Variants in ARB2A observed in about 807,000 individuals in gnomAD.
ARB2A encodes cotranscriptional regulator ARB2A.
chr5:93,741,546 G>A, the ARB2A span: 6 of 1,581,902 alleles, frequency 3.8e-6, no homozygotes, highest in Admixed American at 7.2e-5. Context: ...AGTGGTTTGA[G>A]GGCCTGTGTC....
At chr5:93,894,175 C>A in the ARB2A span, among the ~76,000 whole-genome samples, 1 of 152,162 alleles carries the variant, frequency 6.6e-6, no homozygotes, top group Non-Finnish European at 1.5e-5. Flanking sequence ...ACATATCTTA[C>A]GTTGTCATGC....
At chr5:93,622,525 G>A in the ARB2A span, among the ~76,000 whole-genome samples, 5 of 152,188 alleles carry the variant, frequency 3.3e-5, no homozygotes, top group Non-Finnish European at 7.3e-5. Context: ...GTCGGCCAGA[G>A]AGCAGAAAGC....
chr5:93,939,849 AAT>A, the ARB2A span, among the ~76,000 whole-genome samples: 3 of 152,106 alleles, frequency 2.0e-5, no homozygotes, highest in African/African-American at 7.2e-5. Flanking sequence ...AACAAAATGT[AAT>A]AGTCTGCTAT....
the ARB2A span, among the ~76,000 whole-genome samples, chr5:93,691,923 C>G: frequency 6.6e-6 from 1 of 152,148 alleles, no homozygotes; most frequent in African/African-American, 2.4e-5. Flanking sequence ...CCGAGCCAAA[C>G]TAAGCTTCAT....
the ARB2A span, among the ~76,000 whole-genome samples, chr5:93,804,529 G>GA: frequency 6.6e-6 from 1 of 151,642 alleles, no homozygotes; most frequent in Admixed American, 6.6e-5. Flanking sequence ...AAGTTGTAAA[G>GA]AAAAAATACA....
At chr5:93,955,127 C>T in the ARB2A span, among the ~76,000 whole-genome samples, 1 of 152,160 alleles carries the variant, frequency 6.6e-6, no homozygotes, top group Non-Finnish European at 1.5e-5. Flanking sequence ...ACTGTGACTG[C>T]TCACCGGATT....
the ARB2A span, among the ~76,000 whole-genome samples, chr5:93,794,496 C>T: frequency 3.3e-5 from 5 of 151,920 alleles, no homozygotes; most frequent in Non-Finnish European, 7.4e-5. Flanking sequence ...GTTAAAGAAC[C>T]GTGTTTTGTC....
the ARB2A span, among the ~76,000 whole-genome samples, chr5:93,918,097 A>C: frequency 1.3e-5 from 2 of 152,162 alleles, no homozygotes; most frequent in South Asian, 4.2e-4. Context: ...CCATTTCTTT[A>C]TTCCTAAGTT....
chr5:93,767,722 C>T, the ARB2A span, among the ~76,000 whole-genome samples: 12 of 151,932 alleles, frequency 7.9e-5, no homozygotes, highest in African/African-American at 2.7e-4. Context: ...AGGCCGGGCA[C>T]GTTGGCTCAC....
chr5:93,843,633 T>C, the ARB2A span, among the ~76,000 whole-genome samples: 1 of 151,982 alleles, frequency 6.6e-6, no homozygotes, highest in African/African-American at 2.4e-5. Flanking sequence ...AAGGTCTCAC[T>C]ATGTTACCCA....
the ARB2A span, among the ~76,000 whole-genome samples, chr5:93,854,794 C>T: frequency 6.6e-6 from 1 of 152,150 alleles, no homozygotes. Context: ...ATCCTGAGTT[C>T]TAGTTTGATT....
At chr5:93,819,185 CAAA>C in the ARB2A span, among the ~76,000 whole-genome samples, 3 of 93,202 alleles carry the variant, frequency 3.2e-5, no homozygotes, top group Non-Finnish European at 5.9e-5. Flanking sequence ...AACTCCGTCT[CAAA>C]AAAAAAAAAA....
At chr5:93,946,043 T>C in the ARB2A span, among the ~76,000 whole-genome samples, 4 of 152,164 alleles carry the variant, frequency 2.6e-5, no homozygotes, top group African/African-American at 4.8e-5. Flanking sequence ...GTCTTTTGAA[T>C]CTTTAAAATA....
At chr5:93,732,026 C>T in the ARB2A span, among the ~76,000 whole-genome samples, 17 of 152,206 alleles carry the variant, frequency 1.1e-4, no homozygotes, top group Non-Finnish European at 4.4e-5. Context: ...TGCCTCATAG[C>T]TATGCTCCTA....
chr5:93,620,865 A>G, the ARB2A span: 1 of 1,370,692 alleles, frequency 7.3e-7, no homozygotes, highest in Admixed American at 2.5e-5. Context: ...TGTATATATC[A>G]CGACCCTGGG....
chr5:94,034,052 A>C, the ARB2A span, among the ~76,000 whole-genome samples: 1 of 152,322 alleles, frequency 6.6e-6, no homozygotes, highest in Non-Finnish European at 1.5e-5. Flanking sequence ...TTTATGATGC[A>C]GCATGAGGCC....
the ARB2A span, among the ~76,000 whole-genome samples, chr5:93,638,876 C>G: frequency 6.6e-6 from 1 of 152,194 alleles, no homozygotes; most frequent in South Asian, 2.1e-4. Flanking sequence ...TTGTATCCAG[C>G]AACCTTGCTA....
chr5:93,681,359 A>G, the ARB2A span, among the ~76,000 whole-genome samples: 1 of 152,140 alleles, frequency 6.6e-6, no homozygotes, highest in African/African-American at 2.4e-5. Flanking sequence ...CCTATAAATT[A>G]AACTTAAAAC....
the ARB2A span, among the ~76,000 whole-genome samples, chr5:93,677,598 CATGAG>C: frequency 3.9e-5 from 6 of 152,310 alleles, no homozygotes; most frequent in East Asian, 7.7e-4. Flanking sequence ...ATTGTGAGGT[CATGAG>C]ATACATCAGG....
Sources: allele counts gnomAD v4.1 joint callset (sites outside exome capture counted in the v4.1 genomes callset), GRCh38; gene constraint gnomAD v4.1.1; transcripts MANE v1.5; gene names NCBI Gene and HGNC (gene_info 2026-07-23, HGNC 2026-07-21).